The following DST variants were observed in gnomAD, a reference collection of about 807,000 sequenced individuals.
The protein encoded by DST is bullous pemphigoid antigen.
A neutral mutation model predicts 875.2 loss-of-function variants in DST; 253 were observed. The ratio of observed to expected loss-of-function variants is 0.29; its 90% confidence interval spans 0.26 to 0.32. DST has a LOEUF of 0.32. DST is among the 10% of genes least tolerant of loss of function. The probability of loss-of-function intolerance (pLI) is 1.00; values close to 1 mark genes in which losing one functional copy is unlikely to be tolerated. For missense variants in DST, 8,287 were observed against 9,111.6 expected (o/e 0.91, Z 3.68); for synonymous variants, 3,124 against 3,197.1 (o/e 0.98, Z 0.77).
chr6:56,735,399 G>T, intron 4 of DST, 110 bp from the exon 5 acceptor site: 1 of 715,268 alleles, frequency 1.4e-6, no homozygotes, highest in Non-Finnish European at 2.3e-6. Context: ...ATGCTTCAGT[G>T]TATTCAAAGT....
At position 56,717,182 on chromosome 6, in the gene DST, CAAATAAATAAATAAATAAAT is replaced by C. The variant is rs35485370; in HGVS notation, c.688-12833_688-12814del. ...TGTGCAACAGAGCGAGACTCCGTCTCAAATAAATAAATAAATAAATAAATAAATAAATAAATAAATAAGCA... is the reference window on the plus strand; with the variant it reads ...TGTGCAACAGAGCGAGACTCCGTCTCAAATAAATAAATAAATAAATAAGCA... On this transcript the variant is annotated intron_variant, in intron 5 of 103. Coordinates refer to ENST00000680361, the MANE Select transcript of DST (RefSeq NM_001374736.1). 4.9e-5 allele frequency among the ~76,000 whole-genome samples: 7 copies of C among 142,664 alleles called. No homozygotes were observed. In the South Asian group the frequency reaches 1.4e-3, roughly 29 times the overall value. The allele number at this position is 142,664 out of a possible 152,430, so 93.6% of individuals were successfully genotyped here.
intron 3 of DST, among the ~76,000 whole-genome samples, chr6:56,864,649 C>A (rs766580739): frequency 6.6e-6 from 1 of 152,020 alleles, no homozygotes; most frequent in Non-Finnish European, 1.5e-5. Context: ...ACCTACTTCA[C>A]TAGATATTAG....
At chr6:56,636,724 C>G (rs16888081) in intron 22 of DST, 72 bp from the exon 23 acceptor site, 3 of 1,174,084 alleles carry the variant, frequency 2.6e-6, no homozygotes, top group African/African-American at 1.5e-5. Context: ...GATATCGATG[C>G]TTCTAAATGC....
At chr6:56,805,676 G>A (rs182699354) in intron 4 of DST, among the ~76,000 whole-genome samples, 53 of 152,286 alleles carry the variant, frequency 3.5e-4, no homozygotes, top group Non-Finnish European at 5.3e-4. Context: ...ACCATTCTAA[G>A]AGTGTAACTT....
chr6:56,613,233 A>G (rs2098560469), intron 37 of DST, among the ~76,000 whole-genome samples: 1 of 152,328 alleles, frequency 6.6e-6, no homozygotes, highest in South Asian at 2.1e-4. Flanking sequence ...GCTTTTTGGT[A>G]TAAAGCACCA....
chr6:56,615,897 T>C, intron 36 of DST: 6 of 1,614,162 alleles, frequency 3.7e-6, no homozygotes, highest in Non-Finnish European at 5.1e-6. Context: ...ATCCCTGTGA[T>C]TACTAATTCA....
chr6:56,578,365 C>A (rs1215941865), intron 50 of DST, among the ~76,000 whole-genome samples: 1 of 152,066 alleles, frequency 6.6e-6, no homozygotes, highest in African/African-American at 2.4e-5. Context: ...TAAAGTAACC[C>A]CTGTCTCTAA....
At chr6:56,470,549 A>G (rs1375068530) in intron 95 of DST, among the ~76,000 whole-genome samples, 3 of 152,102 alleles carry the variant, frequency 2.0e-5, no homozygotes, top group Admixed American at 1.3e-4. Context: ...ATATGGGTCA[A>G]TTGCTAGTCA....
In DST at chr6:56,553,284, T is replaced by C; in HGVS notation, c.15508A>G (p.Lys5170Glu). The C allele has an allele frequency of 6.2e-7, 1 of 1,613,692 alleles. No homozygotes were observed. Among genetic ancestry groups the C allele is most frequent in the Non-Finnish European group, 8.5e-7 (1 of 1,179,896 alleles). ...AGAGTCTCTACTTGCTCTTTATACTTAAGGGCTTTTTCCAATGACTCTTTT... is the reference window on the plus strand; with the variant it reads ...AGAGTCTCTACTTGCTCTTTATACTCAAGGGCTTTTTCCAATGACTCTTTT... ...KLKESLEKAL[K>E]YKEQVETLWP... is the part of the protein sequence containing the mutation. Residue 5170 changes from lysine to glutamate, a missense_variant, in exon 61 of 104, where the codon AAG becomes GAG. Lys to Glu is a moderately conservative substitution (Grantham distance 56). Coordinates refer to ENST00000680361, the MANE Select transcript of DST (RefSeq NM_001374736.1).
chr6:56,642,001 T>A lies in DST; in HGVS notation c.1973A>T (p.Asp658Val), dbSNP rs2098910667. Residue 658 changes from aspartate to valine, a missense_variant, in exon 17 of 104, where the codon GAT (aspartate) becomes GTT (valine). By Grantham distance (152) the Asp-to-Val change is radical (BLOSUM62 -3). Around this residue, in one of 10 missense-constraint regions of DST, gnomAD observed 1,160 missense variants for 1,424.3 expected, o/e 0.81. Transcript: ENST00000680361. ...TTTTCCATCAATAAGAATCTGTACATCAATTACATGCTGGCGTAAAAGGTT... is the reference window on the plus strand; with the variant it reads ...TTTTCCATCAATAAGAATCTGTACAACAATTACATGCTGGCGTAAAAGGTT... ...CENLLRQHVI[D>V]VQILIDGKYY... 5 of 1,613,536 alleles carry A rather than the reference T, an allele frequency of 3.1e-6. No individual in the cohort carries two copies. Among genetic ancestry groups the A allele is most frequent in the Non-Finnish European group, 3.4e-6 (4 of 1,179,644 alleles).
chr6:56,470,313 A>G (rs1197028404), intron 95 of DST, 31 bp from the exon 96 acceptor site: 2 of 1,544,374 alleles, frequency 1.3e-6, no homozygotes, highest in African/African-American at 2.7e-5. Flanking sequence ...GTAAGTAGTG[A>G]CTTGTTAGTT....
intron 99 of DST, among the ~76,000 whole-genome samples, chr6:56,465,867 T>TAAAAAAAAAAAAAAAAA (rs11359681): frequency 8.9e-6 from 1 of 112,408 alleles, no homozygotes. Flanking sequence ...CCAGAAAAAG[T>TAAAAAAAAAAAAAAAAA]AAAAAAAAAA....
intron 99 of DST, among the ~76,000 whole-genome samples, 159 bp from the exon 100 acceptor site, chr6:56,464,915 T>C (rs116235400): frequency 0.027 from 4,046 of 152,262 alleles, 78 homozygotes; most frequent in Non-Finnish European, 0.042. Flanking sequence ...ACTCAAGGGA[T>C]TGGCTCAATA....
chr6:56,474,139 G>A, intron 92 of DST, 137 bp from the exon 93 acceptor site: 19 of 747,838 alleles, frequency 2.5e-5, no homozygotes, highest in South Asian at 6.3e-5. Context: ...TTATCTTTAG[G>A]GTAAAAAAAA....
chr6:56,513,089 C>T (rs2096513362), intron 72 of DST, among the ~76,000 whole-genome samples: 1 of 152,190 alleles, frequency 6.6e-6, no homozygotes, highest in South Asian at 2.1e-4. Flanking sequence ...GGAAAACAAG[C>T]TTTCACTCAA....
chr6:56,495,513 G>A (rs1169483864), intron 82 of DST, among the ~76,000 whole-genome samples: 1 of 151,756 alleles, frequency 6.6e-6, no homozygotes, highest in African/African-American at 2.4e-5. Flanking sequence ...TATATTATTA[G>A]AAAATAATCC....
In DST at chr6:56,914,245, C is replaced by G. The variant is rs114210007; in HGVS notation, c.217-13624G>C. 8.7e-3 allele frequency among the ~76,000 whole-genome samples: 1,332 copies of G among 152,246 alleles called. 21 individuals are homozygous for G. Among genetic ancestry groups the G allele is most frequent in the African/African-American group, 0.03 (1,264 of 41,540 alleles). On this transcript the variant is annotated intron_variant, in intron 2 of 103. Coordinates refer to ENST00000680361, the MANE Select transcript of DST (RefSeq NM_001374736.1). ...CAATGCACCCATATTAAGTAAGGAA[C>G]CAACATTGCATCCATATTAAAATTA...
intron 49 of DST, among the ~76,000 whole-genome samples, chr6:56,581,120 A>G (rs1032052342): frequency 2.0e-5 from 3 of 151,290 alleles, no homozygotes; most frequent in African/African-American, 7.3e-5. Context: ...TTTGGAATTC[A>G]TGATTTCAAA....
intron 4 of DST, among the ~76,000 whole-genome samples, chr6:56,832,158 C>G (rs909146078): frequency 2.0e-5 from 3 of 152,160 alleles, no homozygotes; most frequent in Non-Finnish European, 4.4e-5. Context: ...ATAAAGACTA[C>G]ACATTATCTA....
Sources: gnomAD v4.1 joint callset for allele counts (sites outside exome capture counted in the v4.1 genomes callset) on GRCh38, gnomAD v4.1.1 for gene constraint, gnomAD v4.1.1 regional missense constraint, MANE v1.5 for transcripts, NCBI Gene and HGNC (gene_info 2026-07-23, HGNC 2026-07-21) for gene names.